Variants in GOT1 observed in about 807,000 individuals in gnomAD.
GOT1 encodes aspartate aminotransferase, cytoplasmic.
GOT1 carries 25 observed loss-of-function variants against 48.2 expected under a neutral mutation model. That is an observed-to-expected ratio of 0.52 (90% CI 0.38 to 0.72). The LOEUF (loss-of-function observed/expected upper bound fraction) is 0.72, where lower values mean the gene tolerates loss of function less well. Ranked by LOEUF, GOT1 falls within the 30% of genes least tolerant of loss-of-function variation. The probability of loss-of-function intolerance (pLI) is 0.00; values close to 1 mark genes in which losing one functional copy is unlikely to be tolerated. For missense variants in GOT1, 380 were observed against 520.1 expected (o/e 0.73, Z 2.62); for synonymous variants, 188 against 193.8 (o/e 0.97, Z 0.25).
intron 1 of GOT1, 49 bp from the exon 2 acceptor site, chr10:99,420,854 A>G: frequency 6.9e-7 from 1 of 1,440,492 alleles, no homozygotes. Flanking sequence ...TGCTGTGTCC[A>G]AGTTAAGAGT....
rs1043920900 is a variant in GOT1, at chr10:99,420,318, T to C, written c.300+306A>G. ...CTATGATCAAAAGTAGTGGCAGAGT[T>C]GGATCTAGAACCCTGGTGTCTTTAT... On this transcript the variant is annotated intron_variant, in intron 2 of 8. Coordinates refer to ENST00000370508, the MANE Select transcript of GOT1 (RefSeq NM_002079.3). 7 of 258,360 alleles carry C rather than the reference T, an allele frequency of 2.7e-5. No individual in the cohort carries two copies. In the Admixed American group the frequency reaches 3.5e-4, roughly 13 times the overall value. The allele number at this position is 258,360 out of a possible 1,614,324, so 16.0% of individuals were successfully genotyped here.
chr10:99,398,900 G>C (rs2134094361), intron 8 of GOT1, among the ~76,000 whole-genome samples: 1 of 152,280 alleles, frequency 6.6e-6, no homozygotes, highest in African/African-American at 2.4e-5. Flanking sequence ...AGATTGCACA[G>C]CTGGTCAATG....
chr10:99,403,624 G>C lies in GOT1; in HGVS notation c.804C>G (p.Val268=). ...CTTTTCCAACCACAGTCAGATTCCC[G>C]ACTCTCTCATCTAAAGAGAGGGACC... The part of the protein sequence containing the change: ...SKNFGLYNER[V]GNLTVVGKEP... The change falls in exon 7 of 9, where the codon GTC becomes GTG. Residue 268 remains valine (V), a synonymous_variant. Coordinates refer to ENST00000370508, the MANE Select transcript of GOT1 (RefSeq NM_002079.3). 1 of 1,614,026 alleles carries C rather than the reference G, an allele frequency of 6.2e-7. No homozygotes were observed. The highest frequency in any genetic ancestry group is 8.5e-7 in the Non-Finnish European group (1 of 1,179,964).
At chr10:99,401,598 C>T (rs1223315619) in intron 8 of GOT1, among the ~76,000 whole-genome samples, 2 of 150,786 alleles carry the variant, frequency 1.3e-5, no homozygotes, top group African/African-American at 4.9e-5. Context: ...AGCCGGGAGG[C>T]GGAGGTTGCA....
chr10:99,401,030 T>TA (rs2032668419), intron 8 of GOT1, among the ~76,000 whole-genome samples: 1 of 152,246 alleles, frequency 6.6e-6, no homozygotes, highest in Admixed American at 6.5e-5. Flanking sequence ...ACTTTTGTGT[T>TA]ATAAGCACAG....
intron 8 of GOT1, among the ~76,000 whole-genome samples, chr10:99,399,258 C>G (rs1246561871): frequency 6.6e-6 from 1 of 152,108 alleles, no homozygotes; most frequent in East Asian, 1.9e-4. Context: ...AAGAAATAGA[C>G]CTTTACCGCT....
At chr10:99,419,215 G>A (rs1196391836) in intron 2 of GOT1, among the ~76,000 whole-genome samples, 1 of 152,178 alleles carries the variant, frequency 6.6e-6, no homozygotes, top group Non-Finnish European at 1.5e-5. Context: ...ATGAATTACA[G>A]GCTACATCAC....
chr10:99,429,555 C>T (rs1054810195), intron 1 of GOT1, among the ~76,000 whole-genome samples: 1 of 152,018 alleles, frequency 6.6e-6, no homozygotes, highest in South Asian at 2.1e-4. Context: ...GGTCTTTGCA[C>T]GTGGCAAAAT....
chr10:99,399,785 A>G (rs1307888130), intron 8 of GOT1, among the ~76,000 whole-genome samples: 1 of 152,174 alleles, frequency 6.6e-6, no homozygotes. Flanking sequence ...AAATAAATAA[A>G]TAAATTTGTA....
At chr10:99,427,400 C>A (rs2033053073) in intron 1 of GOT1, among the ~76,000 whole-genome samples, 1 of 152,218 alleles carries the variant, frequency 6.6e-6, no homozygotes, top group Non-Finnish European at 1.5e-5. Context: ...TCCCGTGTAG[C>A]TGGGACTGCA....
intron 2 of GOT1, among the ~76,000 whole-genome samples, chr10:99,409,427 G>A (rs947987467): frequency 6.6e-6 from 1 of 152,020 alleles, no homozygotes; most frequent in African/African-American, 2.4e-5. Flanking sequence ...CACCACGCCT[G>A]GCCAATAAAA....
intron 2 of GOT1, among the ~76,000 whole-genome samples, chr10:99,416,026 G>T (rs922268572): frequency 2.6e-5 from 4 of 152,140 alleles, no homozygotes; most frequent in African/African-American, 4.8e-5. Flanking sequence ...CTTTGAAAAC[G>T]GGCACAAGAC....
chr10:99,414,730 T>C (rs2032872138), intron 2 of GOT1, among the ~76,000 whole-genome samples: 1 of 152,038 alleles, frequency 6.6e-6, no homozygotes, highest in African/African-American at 2.4e-5. Context: ...ACAGAAATTA[T>C]AACAAACTGT....
chr10:99,401,810 C>T (rs1024124950), intron 8 of GOT1, among the ~76,000 whole-genome samples: 18 of 151,368 alleles, frequency 1.2e-4, no homozygotes, highest in African/African-American at 4.4e-4. Context: ...AATCTAGGTT[C>T]TTTTCTTTTT....
At chr10:99,402,950 A>G (rs189693861) in intron 7 of GOT1, among the ~76,000 whole-genome samples, 35 of 152,350 alleles carry the variant, frequency 2.3e-4, no homozygotes, top group African/African-American at 7.7e-4. Context: ...AGTCTTGGGT[A>G]TACTGGCTAG....
chr10:99,422,767 C>A (rs539454199), intron 1 of GOT1, among the ~76,000 whole-genome samples: 3 of 152,310 alleles, frequency 2.0e-5, no homozygotes, highest in African/African-American at 7.2e-5. Context: ...GCATACTATA[C>A]ACTGTTTTGT....
At chr10:99,425,919 G>A in intron 1 of GOT1, among the ~76,000 whole-genome samples, 1 of 152,040 alleles carries the variant, frequency 6.6e-6, no homozygotes. Context: ...ATAACAACAC[G>A]GATTTACTAA....
chr10:99,429,580 T>C (rs924833857), intron 1 of GOT1, among the ~76,000 whole-genome samples: 1 of 152,034 alleles, frequency 6.6e-6, no homozygotes. Context: ...ATGGAGAAAA[T>C]AAGTGTCTGT....
chr10:99,401,025 T>A (rs2032668296), intron 8 of GOT1, among the ~76,000 whole-genome samples: 1 of 152,228 alleles, frequency 6.6e-6, no homozygotes, highest in Non-Finnish European at 1.5e-5. Context: ...ATATAACTTT[T>A]GTGTTATAAG....
Sources: gnomAD v4.1 joint callset for allele counts (sites outside exome capture counted in the v4.1 genomes callset) on GRCh38, gnomAD v4.1.1 for gene constraint, MANE v1.5 for transcripts, NCBI Gene and HGNC (gene_info 2026-07-23, HGNC 2026-07-21) for gene names.